GON4L: variants seen among roughly 807,000 people sequenced by gnomAD.
GON4L encodes the protein gon-4 like, also known as GON-4-like protein.
Under a neutral mutation model 211.8 loss-of-function variants are expected in GON4L, and 87 were observed. The observed-to-expected ratio is 0.41, with a 90% CI of 0.35 to 0.49. The LOEUF is 0.49. Among genes scored for constraint, GON4L ranks in the 20% least tolerant of loss-of-function variants. The pLI is 0.15. For synonymous variants in GON4L, 875 were observed against 962.6 expected (o/e 0.91, Z 1.68); for missense variants, 2,155 against 2,659.5 (o/e 0.81, Z 4.17).
intron 19 of GON4L, among the ~76,000 whole-genome samples, chr1:155,769,303 TA>T (rs1364829157): frequency 4.0e-5 from 6 of 150,026 alleles, no homozygotes; most frequent in African/African-American, 9.7e-5. Context: ...AGAAAAAAAT[TA>T]AAATAAAAAA....
intron 2 of GON4L, among the ~76,000 whole-genome samples, chr1:155,831,154 C>T (rs866543291): frequency 1.3e-5 from 2 of 152,104 alleles, no homozygotes; most frequent in Middle Eastern, 3.4e-3. Context: ...CAAAAATTAG[C>T]CAGGCATGGT....
At chr1:155,772,983 T>C in intron 18 of GON4L, 83 bp downstream of exon 18, 1 of 1,548,508 alleles carries the variant, frequency 6.5e-7, no homozygotes, top group South Asian at 1.1e-5. Flanking sequence ...TATACAAGTC[T>C]TACTTCCCCT....
chr1:155,776,605 C>A, intron 15 of GON4L, 124 bp from the exon 16 acceptor site: 7 of 802,976 alleles, frequency 8.7e-6, no homozygotes, highest in South Asian at 8.7e-5. Flanking sequence ...GGCTGATGTG[C>A]AGTGATGCAA....
chr1:155,816,067 C>T (rs1485282014), intron 7 of GON4L, 145 bp downstream of exon 7: 1 of 697,112 alleles, frequency 1.4e-6, no homozygotes, highest in Non-Finnish European at 2.6e-6. Context: ...CCATGAGATA[C>T]AAACCTAAGA....
chr1:155,823,751 G>A (rs903281844), intron 3 of GON4L, among the ~76,000 whole-genome samples: 3 of 151,700 alleles, frequency 2.0e-5, no homozygotes, highest in Non-Finnish European at 4.4e-5. Context: ...AAATTAGCCG[G>A]GCATGGTGGT....
downstream of GON4L, chr1:155,747,708 G>A (rs766574122): frequency 5.0e-6 from 8 of 1,613,726 alleles, no homozygotes; most frequent in African/African-American, 2.7e-5. Flanking sequence ...TGCACTCCAG[G>A]GTGGAAGCTC....
At chr1:155,753,683 A>T (rs1375008094) in intron 28 of GON4L, among the ~76,000 whole-genome samples, 2 of 152,052 alleles carry the variant, frequency 1.3e-5, no homozygotes, top group Non-Finnish European at 2.9e-5. Context: ...CAAATGACAA[A>T]CAAAAAGAAA....
At chr1:155,780,408 A>G (rs893616337) in intron 14 of GON4L, among the ~76,000 whole-genome samples, 1 of 151,798 alleles carries the variant, frequency 6.6e-6, no homozygotes, top group Non-Finnish European at 1.5e-5. Flanking sequence ...CCTGGCTAAC[A>G]TGGCGAAACC....
intron 11 of GON4L, among the ~76,000 whole-genome samples, chr1:155,796,439 G>A (rs143233388): frequency 5.4e-4 from 82 of 151,782 alleles, no homozygotes; most frequent in African/African-American, 1.6e-3. Context: ...CACCACGCCC[G>A]GCTAATTTTT....
intron 6 of GON4L, among the ~76,000 whole-genome samples, chr1:155,820,134 G>A (rs1403895737): frequency 2.0e-5 from 3 of 151,934 alleles, no homozygotes; most frequent in Admixed American, 6.6e-5. Flanking sequence ...GGCTGGTCTC[G>A]AACTCCTGAC....
intron 6 of GON4L, among the ~76,000 whole-genome samples, chr1:155,818,308 C>T (rs967536696): frequency 1.3e-5 from 2 of 152,004 alleles, no homozygotes; most frequent in Non-Finnish European, 2.9e-5. Flanking sequence ...GACGGGGTTT[C>T]GCCATGTTGG....
intron 24 of GON4L, among the ~76,000 whole-genome samples, chr1:155,759,972 T>C (rs1274579182): frequency 6.8e-6 from 1 of 147,014 alleles, no homozygotes; most frequent in Non-Finnish European, 1.5e-5. Flanking sequence ...ATATTATATA[T>C]ATATATATAT....
At chr1:155,828,154 T>A (rs1669390511) in intron 2 of GON4L, among the ~76,000 whole-genome samples, 2 of 147,256 alleles carry the variant, frequency 1.4e-5, no homozygotes, top group Non-Finnish European at 3.0e-5. Context: ...CAAGACACTG[T>A]CACACACACA....
chr1:155,828,789 CAGAG>C (rs1390994602), intron 2 of GON4L, among the ~76,000 whole-genome samples: 3 of 121,824 alleles, frequency 2.5e-5, no homozygotes, highest in East Asian at 2.6e-4. Flanking sequence ...GCCTGGGCGA[CAGAG>C]AGAGACTCTG....
At chr1:155,788,502 AAGAG>A (rs902440095) in intron 12 of GON4L, among the ~76,000 whole-genome samples, 1 of 152,180 alleles carries the variant, frequency 6.6e-6, no homozygotes, top group African/African-American at 2.4e-5. Context: ...GAACAAATGA[AAGAG>A]AGAGAGAAAT....
chr1:155,801,112 CAAAAAAAAAAAAA>C (rs367752032), intron 11 of GON4L, among the ~76,000 whole-genome samples: 2 of 73,634 alleles, frequency 2.7e-5, no homozygotes, highest in South Asian at 5.2e-4. Context: ...TGCTGCTGCT[CAAAAAAAAAAAAA>C]AAAAAAAAAA....
chr1:155,807,934 T>C (rs1667313653), intron 10 of GON4L, among the ~76,000 whole-genome samples: 2 of 152,102 alleles, frequency 1.3e-5, no homozygotes, highest in South Asian at 4.1e-4. Context: ...TGCTAATGGG[T>C]TTCTGTTTAC....
chr1:155,762,153 TAG>T (rs1661875628), intron 23 of GON4L, 35 bp downstream of exon 23: 4 of 1,525,224 alleles, frequency 2.6e-6, no homozygotes. Flanking sequence ...GCCACATTCA[TAG>T]AGACTGGCAA....
At chr1:155,764,696 C>T (rs778605446) in intron 21 of GON4L, 36 of 738,822 alleles carry the variant, frequency 4.9e-5, no homozygotes, top group Non-Finnish European at 7.8e-5. Context: ...ACCTCAGCCT[C>T]CCAAAGTGCT....
Sources: gnomAD v4.1 joint callset for allele counts (sites outside exome capture counted in the v4.1 genomes callset) on GRCh38, gnomAD v4.1.1 for gene constraint, MANE v1.5 for transcripts, NCBI Gene and HGNC (gene_info 2026-07-23, HGNC 2026-07-21) for gene names.